The following PCDH15 variants were observed in gnomAD, a reference collection of about 807,000 sequenced individuals.
PCDH15 encodes protocadherin related 15, also known as protocadherin-15.
Under a neutral mutation model 178.5 loss-of-function variants are expected in PCDH15, and 129 were observed. The ratio of observed to expected loss-of-function variants is 0.72; its 90% CI spans 0.63 to 0.84. PCDH15 has a LOEUF of 0.84. Ranked by LOEUF, PCDH15 falls within the 40% of genes least tolerant of loss-of-function variation. The pLI, the probability that PCDH15 is intolerant of heterozygous loss-of-function variation, is 0.00. For missense variants in PCDH15, 2,230 were observed against 2,099.9 expected, an observed-to-expected ratio of 1.06 and a Z score of -1.21; for synonymous variants, 800 against 732.0, an observed-to-expected ratio of 1.09 and a Z score of -1.50.
intron 2 of PCDH15, among the ~76,000 whole-genome samples, chr10:55,489,242 A>C (rs370634640): frequency 6.6e-6 from 1 of 151,538 alleles, no homozygotes; most frequent in East Asian, 2.0e-4. Flanking sequence ...ATTCTCTAAA[A>C]ATTGTCATTT....
intron 1 of PCDH15, among the ~76,000 whole-genome samples, chr10:54,729,176 A>G (rs976036831): frequency 2.0e-5 from 3 of 151,768 alleles, no homozygotes; most frequent in African/African-American, 7.2e-5. Flanking sequence ...ATTATACGAC[A>G]AGGCAATAAT....
intron 3 of PCDH15, among the ~76,000 whole-genome samples, chr10:54,834,089 GATGTTAATAATATCC>G (rs1953271486): frequency 6.6e-6 from 1 of 152,072 alleles, no homozygotes. Context: ...ATAAAATGGA[GATGTTAATAATATCC>G]ATGCTAAATA....
intron 2 of PCDH15, among the ~76,000 whole-genome samples, chr10:54,646,057 T>C (rs1349119834): frequency 6.6e-6 from 1 of 152,178 alleles, no homozygotes; most frequent in Non-Finnish European, 1.5e-5. Context: ...TATTTTATAT[T>C]CACACACTAC....
intron 2 of PCDH15, chr10:55,512,992 C>A (rs1478541203): frequency 6.6e-6 from 1 of 152,044 alleles, no homozygotes; most frequent in African/African-American, 2.4e-5. Context: ...ATATTGGCTT[C>A]ATTTGGAACA....
rs1186240206 is a variant in PCDH15 at position 54,198,495 on chromosome 10, C to CTTTTTTTTTTTTTTTTTTTTTTTTT, written c.1099-2607_1099-2606insAAAAAAAAAAAAAAAAAAAAAAAAA. Among the ~76,000 whole-genome samples the CTTTTTTTTTTTTTTTTTTTTTTTTT allele has an allele frequency of 6.4e-5, 2 of 31,172 alleles. 1 individual carries two copies. Among genetic ancestry groups the CTTTTTTTTTTTTTTTTTTTTTTTTT allele is most frequent in the Admixed American group, 1.4e-3 (2 of 1,474 alleles). 20.5% of individuals were successfully genotyped at this position (31,172 alleles called of 152,430 possible). A position where few individuals can be genotyped will look rare whatever the true frequency, so the allele number is the denominator to read the frequency against. On this transcript the variant is annotated intron_variant, in intron 10 of 37. Coordinates refer to ENST00000644397, the MANE Select transcript of PCDH15 (RefSeq NM_001384140.1). ...CATCTTTCTTTAATATCTAATTATT[C>CTTTTTTTTTTTTTTTTTTTTTTTTT]TTTTTTTTTTTTTTTTTTTTTTTTG...
intron 3 of PCDH15, among the ~76,000 whole-genome samples, chr10:54,894,464 G>T (rs1319811444): frequency 1.3e-5 from 2 of 152,092 alleles, no homozygotes; most frequent in Non-Finnish European, 2.9e-5. Context: ...GGGCTAGCCA[G>T]ACTTAGAAAT....
intron 2 of PCDH15, among the ~76,000 whole-genome samples, chr10:55,367,083 T>A (rs1565063794): frequency 6.6e-6 from 1 of 152,056 alleles, no homozygotes; most frequent in African/African-American, 2.4e-5. Flanking sequence ...GAGGTCTACA[T>A]CATCTTCCAC....
intron 25 of PCDH15, among the ~76,000 whole-genome samples, chr10:53,918,984 T>C (rs889288567): frequency 6.6e-6 from 1 of 152,172 alleles, no homozygotes; most frequent in Non-Finnish European, 1.5e-5. Flanking sequence ...TTGCATTCCT[T>C]AAGCTTAGTG....
intron 2 of PCDH15, among the ~76,000 whole-genome samples, chr10:55,613,045 A>G (rs1446425164): frequency 8.9e-6 from 1 of 112,626 alleles, no homozygotes; most frequent in African/African-American, 3.6e-5. Flanking sequence ...TTTTTTTGAG[A>G]CGGAATCTCT....
intron 20 of PCDH15, among the ~76,000 whole-genome samples, chr10:54,012,079 C>T (rs2092605096): frequency 6.6e-6 from 1 of 151,922 alleles, no homozygotes; most frequent in South Asian, 2.1e-4. Flanking sequence ...ATGAAATGGC[C>T]ATTATAAGAA....
chr10:54,593,501 C>T (rs2092016546), intron 2 of PCDH15, among the ~76,000 whole-genome samples: 1 of 152,072 alleles, frequency 6.6e-6, no homozygotes. Flanking sequence ...GGATTTATTT[C>T]TGGGCTCTCT....
chr10:54,389,834 C>A (rs1334738046), intron 3 of PCDH15, among the ~76,000 whole-genome samples: 1 of 150,978 alleles, frequency 6.6e-6, no homozygotes, highest in Non-Finnish European at 1.5e-5. Flanking sequence ...CGCCTGTAAT[C>A]CCAGCTACTT....
At chr10:55,360,344 T>C (rs1180254841) in intron 2 of PCDH15, among the ~76,000 whole-genome samples, 1 of 151,970 alleles carries the variant, frequency 6.6e-6, no homozygotes, top group Non-Finnish European at 1.5e-5. Context: ...CTTCATGACC[T>C]TAGGATAATC....
At chr10:54,206,230 C>T (rs2050783162) in intron 10 of PCDH15, among the ~76,000 whole-genome samples, 1 of 152,176 alleles carries the variant, frequency 6.6e-6, no homozygotes, top group South Asian at 2.1e-4. Flanking sequence ...CAAATCGACA[C>T]TGGAATGACT....
intron 2 of PCDH15, among the ~76,000 whole-genome samples, chr10:55,352,585 A>G (rs896866487): frequency 6.6e-6 from 1 of 152,172 alleles, no homozygotes; most frequent in Admixed American, 6.6e-5. Context: ...ACGGTTGTTC[A>G]GAATTTGAAG....
At chr10:53,981,437 A>G (rs982477007) in intron 21 of PCDH15, among the ~76,000 whole-genome samples, 20 of 152,330 alleles carry the variant, frequency 1.3e-4, no homozygotes, top group African/African-American at 4.6e-4. Context: ...GGCTACAGTA[A>G]CCAAAACAGC....
intron 3 of PCDH15, among the ~76,000 whole-genome samples, chr10:54,855,426 C>T (rs763361278): frequency 3.9e-5 from 6 of 152,144 alleles, no homozygotes; most frequent in African/African-American, 7.2e-5. Context: ...GAGATGGGGC[C>T]ACTCCTGATG....
intron 21 of PCDH15, among the ~76,000 whole-genome samples, chr10:53,991,924 A>G (rs1317888162): frequency 6.6e-6 from 1 of 152,114 alleles, no homozygotes; most frequent in Non-Finnish European, 1.5e-5. Context: ...AGGGAATAAA[A>G]GCAGGCTGCC....
At chr10:54,092,423 T>C (rs2094613916) in intron 15 of PCDH15, among the ~76,000 whole-genome samples, 1 of 152,096 alleles carries the variant, frequency 6.6e-6, no homozygotes, top group South Asian at 2.1e-4. Flanking sequence ...GGGTAAAGTC[T>C]ATTGCTTTCT....
Sources: gnomAD v4.1 joint callset for allele counts (sites outside exome capture counted in the v4.1 genomes callset) on GRCh38, gnomAD v4.1.1 for gene constraint, MANE v1.5 for transcripts, NCBI Gene and HGNC (gene_info 2026-07-23, HGNC 2026-07-21) for gene names.